Variants in GPR141 observed in about 807,000 individuals in gnomAD.
GPR141 encodes the protein probable G protein-coupled receptor 141.
Under a neutral mutation model 6.8 loss-of-function variants are expected in GPR141, and 6 were observed. The ratio of observed to expected loss-of-function variants is 0.88; its 90% CI spans 0.48 to 1.74. GPR141 has a LOEUF of 1.74. GPR141 is among the 40% of genes most tolerant of loss of function. GPR141 has a pLI of 0.01. For missense variants in GPR141, 372 were observed against 372.9 expected (o/e 1.00, Z 0.02); for synonymous variants, 140 against 142.3 (o/e 0.98, Z 0.11).
chr7:37,727,782 A>G (rs893372838), intron 2 of GPR141, among the ~76,000 whole-genome samples: 7 of 152,228 alleles, frequency 4.6e-5, no homozygotes, highest in African/African-American at 1.7e-4. Flanking sequence ...CCCTTTGCCA[A>G]CTATCCAATC....
intron 2 of GPR141, among the ~76,000 whole-genome samples, chr7:37,714,349 G>A (rs1810952203): frequency 6.6e-6 from 1 of 152,158 alleles, no homozygotes; most frequent in South Asian, 2.1e-4. Flanking sequence ...ACTGGAACTA[G>A]CCAGTGAACT....
intron 2 of GPR141, among the ~76,000 whole-genome samples, chr7:37,692,641 A>G (rs1431851744): frequency 6.6e-6 from 1 of 152,178 alleles, no homozygotes; most frequent in African/African-American, 2.4e-5. Flanking sequence ...GTATTTCTCC[A>G]TATCCTCTCC....
chr7:37,718,366 G>C (rs1370108424), intron 2 of GPR141, among the ~76,000 whole-genome samples: 1 of 152,054 alleles, frequency 6.6e-6, no homozygotes, highest in East Asian at 1.9e-4. Context: ...AAATTAGCAG[G>C]CATGGTGGCG....
At chr7:37,690,495 G>T (rs1045650064) in intron 2 of GPR141, among the ~76,000 whole-genome samples, 1 of 152,012 alleles carries the variant, frequency 6.6e-6, no homozygotes, top group Non-Finnish European at 1.5e-5. Context: ...TCTTCCTGAG[G>T]TCTCCCCAGA....
intron 2 of GPR141, among the ~76,000 whole-genome samples, chr7:37,730,707 A>G (rs1811888890): frequency 6.6e-6 from 1 of 152,232 alleles, no homozygotes; most frequent in African/African-American, 2.4e-5. Context: ...CATACCTGGC[A>G]GGCTCACTGC....
chr7:37,733,305 A>C (rs547427188), intron 2 of GPR141, among the ~76,000 whole-genome samples: 3 of 152,154 alleles, frequency 2.0e-5, no homozygotes, highest in Non-Finnish European at 4.4e-5. Flanking sequence ...CCTGGGAATA[A>C]CTGTGATGTC....
chr7:37,691,175 C>T (rs1029025749), intron 2 of GPR141, among the ~76,000 whole-genome samples: 4 of 147,306 alleles, frequency 2.7e-5, no homozygotes, highest in African/African-American at 1.0e-4. Flanking sequence ...CTTTTTTCAT[C>T]TCTTCACTTC....
At chr7:37,687,891 G>A (rs1306875240) in intron 2 of GPR141, among the ~76,000 whole-genome samples, 2 of 152,040 alleles carry the variant, frequency 1.3e-5, no homozygotes, top group African/African-American at 4.8e-5. Context: ...CTGTGACAAA[G>A]CTATTTTTGG....
chr7:37,740,641 T>C lies in GPR141; in HGVS notation c.248T>C (p.Phe83Ser). ...LTYLIKKTWMFGLPFCKFVSA... is the reference protein window; with the variant it reads ...LTYLIKKTWMSGLPFCKFVSA... Reference sequence around the variant, plus strand: ...TACCTCATCAAGAAGACTTGGATGTTTGGGCTGCCCTTCTGCAAATTTGTG... The same window carrying C: ...TACCTCATCAAGAAGACTTGGATGTCTGGGCTGCCCTTCTGCAAATTTGTG... The change falls in exon 3 of 3, where the codon TTT (phenylalanine) becomes TCT (serine). Residue 83 changes from phenylalanine to serine, a missense_variant. Coordinates refer to ENST00000334425, the MANE Select transcript of GPR141 (RefSeq NM_001381946.1). The C allele has an allele frequency of 1.9e-6, 3 of 1,614,154 alleles. No homozygotes were observed. The highest frequency in any genetic ancestry group is 2.5e-6 in the Non-Finnish European group (3 of 1,180,002).
intron 2 of GPR141, among the ~76,000 whole-genome samples, chr7:37,695,184 A>G (rs1809958881): frequency 6.6e-6 from 1 of 152,178 alleles, no homozygotes; most frequent in Non-Finnish European, 1.5e-5. Context: ...AGCTGCTCAC[A>G]GCTCAACTTG....
intron 2 of GPR141, among the ~76,000 whole-genome samples, chr7:37,703,331 A>G (rs1810376242): frequency 6.6e-6 from 1 of 152,024 alleles, no homozygotes; most frequent in Admixed American, 6.6e-5. Flanking sequence ...TGGTTTCACT[A>G]TGCTGTGTCT....
intron 2 of GPR141, among the ~76,000 whole-genome samples, chr7:37,691,895 G>A (rs1583519236): frequency 1.3e-5 from 2 of 152,100 alleles, no homozygotes; most frequent in South Asian, 2.1e-4. Context: ...TTAATCTAAC[G>A]GGGATTCCTT....
intron 2 of GPR141, chr7:37,709,947 G>A (rs1410372602): frequency 6.6e-6 from 1 of 152,086 alleles, no homozygotes; most frequent in African/African-American, 2.4e-5. Context: ...GTTGCCAAAT[G>A]CCTGCCGGGT....
rs779359821 is a variant in GPR141, at chr7:37,732,026, G to GT, written c.-14-8346dup. 2.2e-3 allele frequency among the ~76,000 whole-genome samples: 248 copies of GT among 110,828 alleles called. 1 individual carries two copies. Among genetic ancestry groups the GT allele is most frequent in the African/African-American group, 7.9e-3 (219 of 27,762 alleles). The allele number at this position is 110,828 out of a possible 152,430, so 72.7% of individuals were successfully genotyped here. A position where few individuals can be genotyped will look rare whatever the true frequency, so the allele number is the denominator to read the frequency against. On this transcript the variant is annotated intron_variant, in intron 2 of 2. Transcript: ENST00000334425. ...AAGAGGAAGAGAGGTTTCTTTGTTT[G>GT]TTTTTTTTATTTTTATTTATTTATT...
intron 2 of GPR141, among the ~76,000 whole-genome samples, chr7:37,707,043 C>T (rs1363694900): frequency 6.6e-6 from 1 of 152,078 alleles, no homozygotes; most frequent in Non-Finnish European, 1.5e-5. Context: ...CTCTTCTCCT[C>T]CCCTTTACCT....
intron 2 of GPR141, among the ~76,000 whole-genome samples, chr7:37,720,920 C>T (rs1811295026): frequency 6.6e-6 from 1 of 152,162 alleles, no homozygotes; most frequent in Non-Finnish European, 1.5e-5. Context: ...TTAATTACTT[C>T]TCCAAGTCCT....
chr7:37,710,189 T>C (rs1249368558), intron 2 of GPR141, among the ~76,000 whole-genome samples: 2 of 152,334 alleles, frequency 1.3e-5, no homozygotes, highest in East Asian at 1.9e-4. Flanking sequence ...TTTGGATTTT[T>C]TTTCTTTTGG....
At position 37,712,973 on chromosome 7, in the gene GPR141, C is replaced by T. The variant is rs180718617; in HGVS notation, c.-15+27390C>T. ...CTTCCTCTTAAAACCAGGGGCTAGC[C>T]CAGCATGTTTTTCTCATGGTAATGA... is the stretch of plus-strand genomic sequence containing the variant. On this transcript the variant is annotated intron_variant, in intron 2 of 2. Transcript: ENST00000334425. 1.4e-3 allele frequency among the ~76,000 whole-genome samples: 216 copies of T among 152,224 alleles called. 1 individual carries two copies. Among genetic ancestry groups the T allele is most frequent in the African/African-American group, 4.6e-3 (193 of 41,520 alleles).
intron 1 of GPR141, 135 bp from the exon 2 acceptor site, chr7:37,685,325 T>C (rs1237219302): frequency 6.6e-6 from 1 of 152,256 alleles, no homozygotes; most frequent in Non-Finnish European, 1.5e-5. Context: ...CTTTTCTTCC[T>C]TTTGTGCGTG....
Sources: allele counts gnomAD v4.1 joint callset (sites outside exome capture counted in the v4.1 genomes callset), GRCh38; gene constraint gnomAD v4.1.1; transcripts MANE v1.5; gene names NCBI Gene and HGNC (gene_info 2026-07-23, HGNC 2026-07-21).